Variants in KNTC1 observed in about 807,000 individuals in gnomAD.
KNTC1 encodes the protein kinetochore associated 1, also known as kinetochore-associated protein 1.
In KNTC1, 253 loss-of-function variants were observed where a neutral mutation model predicts 314.4. That is an observed-to-expected ratio of 0.80 (90% CI 0.73 to 0.89). The LOEUF is 0.89. KNTC1 is among the 40% of genes least tolerant of loss of function. KNTC1 has a pLI of 0.00. For missense variants in KNTC1, 2,475 were observed against 2,572.9 expected, an observed-to-expected ratio of 0.96 and a Z score of 0.82; for synonymous variants, 901 against 901.4, an observed-to-expected ratio of 1.00 and a Z score of 0.01.
intron 60 of KNTC1, 71 bp from the exon 61 acceptor site, chr12:122,621,810 T>G (rs1874466301): frequency 6.1e-6 from 6 of 981,256 alleles, no homozygotes; most frequent in South Asian, 1.4e-5. Flanking sequence ...GCAAAATACC[T>G]GATCAACGGC....
rs769326636 is a variant in KNTC1 at position 122,546,180 on chromosome 12, C to A, written c.674C>A (p.Thr225Asn). 3.7e-6 allele frequency: 6 copies of A among 1,601,466 alleles called. No individual in the cohort carries two copies. Among genetic ancestry groups the A allele is most frequent in the Non-Finnish European group, 5.1e-6 (6 of 1,168,994 alleles). ...ASEVPVIIGG[T>N]GNCAFSKWEP... Reference sequence around the variant, plus strand: ...GTACTGTGTTCATTTTTCCAGGGAACCGGTAATTGTGCATTCTCAAAATGG... The same window carrying A: ...GTACTGTGTTCATTTTTCCAGGGAAACGGTAATTGTGCATTCTCAAAATGG... The change falls in exon 9 of 64, where the codon ACC becomes AAC. Residue 225 changes from threonine to asparagine, a missense_variant. By Grantham distance (65) the Thr-to-Asn change is moderately conservative (BLOSUM62 0). Coordinates refer to ENST00000333479, the MANE Select transcript of KNTC1 (RefSeq NM_014708.6).
At chr12:122,609,641 C>A (rs185995645) in intron 52 of KNTC1, among the ~76,000 whole-genome samples, 2 of 151,938 alleles carry the variant, frequency 1.3e-5, no homozygotes, top group Admixed American at 6.6e-5. Context: ...TGAACTCCTG[C>A]GAGGGCGAGG....
At chr12:122,581,532 T>C (rs1408004908) in intron 33 of KNTC1, among the ~76,000 whole-genome samples, 1 of 151,656 alleles carries the variant, frequency 6.6e-6, no homozygotes, top group East Asian at 1.9e-4. Context: ...TCTCACTCTG[T>C]TGCCCAGGCT....
intron 18 of KNTC1, among the ~76,000 whole-genome samples, chr12:122,560,008 C>T (rs866072655): frequency 2.8e-4 from 42 of 152,274 alleles, no homozygotes; most frequent in Middle Eastern, 3.4e-3. Context: ...CCCATTTCTC[C>T]GTCTCCCCAG....
intron 43 of KNTC1, chr12:122,597,439 G>A (rs142960284): frequency 0.027 from 8,880 of 334,182 alleles, 715 homozygotes; most frequent in African/African-American, 0.18. Flanking sequence ...AGTAGAGATG[G>A]GGTTTCACTA....
intron 44 of KNTC1, among the ~76,000 whole-genome samples, chr12:122,599,161 C>T (rs535851611): frequency 3.6e-4 from 55 of 151,416 alleles, no homozygotes; most frequent in African/African-American, 1.3e-3. Flanking sequence ...AGAAGGGGGT[C>T]TCACTATATT....
chr12:122,568,422 G>A (rs1438640736), intron 21 of KNTC1, 50 bp downstream of exon 21: 2 of 1,000,350 alleles, frequency 2.0e-6, no homozygotes, highest in Non-Finnish European at 3.2e-6. Flanking sequence ...TCCTGAGTTA[G>A]GTGATTGAAT....
intron 12 of KNTC1, among the ~76,000 whole-genome samples, chr12:122,548,761 A>C (rs1181729858): frequency 1.3e-5 from 2 of 152,022 alleles, no homozygotes; most frequent in Non-Finnish European, 2.9e-5. Context: ...TGAGGTCAAG[A>C]GTTTGAGACC....
chr12:122,607,219 A>G (rs1872666095), intron 51 of KNTC1, among the ~76,000 whole-genome samples: 1 of 152,110 alleles, frequency 6.6e-6, no homozygotes. Flanking sequence ...GCCCGCCACC[A>G]TGCCCAGCTA....
intron 20 of KNTC1, among the ~76,000 whole-genome samples, chr12:122,565,044 T>C (rs1179934437): frequency 1.3e-5 from 2 of 152,118 alleles, no homozygotes; most frequent in African/African-American, 4.8e-5. Context: ...GGAGGGCCCA[T>C]TTTCTCACTC....
chr12:122,599,834 T>C (rs1871590830), intron 44 of KNTC1, among the ~76,000 whole-genome samples: 1 of 152,044 alleles, frequency 6.6e-6, no homozygotes, highest in Non-Finnish European at 1.5e-5. Context: ...CTGGGGAACA[T>C]AGTAAGAATT....
At chr12:122,542,375 A>T (rs761265013) in intron 6 of KNTC1, among the ~76,000 whole-genome samples, 3 of 152,192 alleles carry the variant, frequency 2.0e-5, no homozygotes, top group Non-Finnish European at 2.9e-5. Flanking sequence ...AAGCTTCAAC[A>T]GTTTAGTTGG....
At chr12:122,545,146 A>C (rs1290326577) in intron 8 of KNTC1, among the ~76,000 whole-genome samples, 5 of 152,212 alleles carry the variant, frequency 3.3e-5, no homozygotes, top group Non-Finnish European at 7.3e-5. Context: ...TAATTTCTTT[A>C]AATTTTGGGG....
chr12:122,544,301 T>A, intron 8 of KNTC1, 32 bp downstream of exon 8: 1 of 1,077,382 alleles, frequency 9.3e-7, no homozygotes, highest in Non-Finnish European at 1.4e-6. Flanking sequence ...TGTTTTTTGT[T>A]GCCTAAAGCA....
chr12:122,610,770 G>T, intron 52 of KNTC1, 52 bp from the exon 53 acceptor site: 1 of 1,141,894 alleles, frequency 8.8e-7, no homozygotes, highest in African/African-American at 1.5e-5. Flanking sequence ...CTGTTGTTTT[G>T]GTAATCCATC....
chr12:122,580,048 A>C, intron 32 of KNTC1, 71 bp downstream of exon 32: 1 of 1,008,608 alleles, frequency 9.9e-7, no homozygotes, highest in Non-Finnish European at 1.5e-6. Context: ...GAGGCATCGA[A>C]GACAACTCTC....
chr12:122,603,126 C>A lies in KNTC1; in HGVS notation c.4984C>A (p.Leu1662Met), dbSNP rs1414626170. ...GTTAACACAAGCTAAATCCTCAACA[C>A]TGATTAACAAGGAAATAACTAAGAT... ...LKLTQAKSSTLINKEITKITQ... is the reference protein window; with the variant it reads ...LKLTQAKSSTMINKEITKITQ... The change falls in exon 48 of 64, where the codon CTG becomes ATG. Residue 1662 changes from leucine (L) to methionine (M), a missense_variant. Leu to Met is a conservative substitution (Grantham distance 15, BLOSUM62 2). Coordinates refer to ENST00000333479, the MANE Select transcript of KNTC1 (RefSeq NM_014708.6). The A allele has an allele frequency of 6.2e-7, 1 of 1,613,648 alleles. No homozygotes were observed. Among genetic ancestry groups the A allele is most frequent in the Non-Finnish European group, 8.5e-7 (1 of 1,179,800 alleles).
intron 57 of KNTC1, among the ~76,000 whole-genome samples, chr12:122,615,829 T>G (rs948006713): frequency 2.0e-5 from 3 of 152,124 alleles, no homozygotes; most frequent in Non-Finnish European, 2.9e-5. Context: ...TAATCAGCTG[T>G]AGGATGATTA....
chr12:122,612,979 T>A (rs1429504058), intron 53 of KNTC1, 133 bp from the exon 54 acceptor site: 1 of 639,246 alleles, frequency 1.6e-6, no homozygotes, highest in Admixed American at 2.8e-5. Flanking sequence ...TTACACACAG[T>A]GCGTTCCGTA....
Sources: gnomAD v4.1 joint callset for allele counts (sites outside exome capture counted in the v4.1 genomes callset) on GRCh38, gnomAD v4.1.1 for gene constraint, MANE v1.5 for transcripts, NCBI Gene and HGNC (gene_info 2026-07-23, HGNC 2026-07-21) for gene names.